Variants in EPB41L5 observed in about 807,000 individuals in gnomAD.
EPB41L5 encodes the protein band 4.1-like protein 5.
A neutral mutation model predicts 106.6 loss-of-function variants in EPB41L5; 55 were observed. The ratio of observed to expected loss-of-function variants is 0.52; its 90% CI spans 0.42 to 0.65. The LOEUF (loss-of-function observed/expected upper bound fraction) is 0.65, where lower values mean the gene tolerates loss of function less well. Ranked by LOEUF, EPB41L5 falls within the 30% of genes least tolerant of loss-of-function variation. The pLI is 0.00. For missense variants in EPB41L5, 871 were observed against 882.1 expected, an observed-to-expected ratio of 0.99 and a Z score of 0.16; for synonymous variants, 297 against 306.7, an observed-to-expected ratio of 0.97 and a Z score of 0.33.
At chr2:120,048,680 T>C (rs867346154) in intron 3 of EPB41L5, among the ~76,000 whole-genome samples, 7 of 152,202 alleles carry the variant, frequency 4.6e-5, no homozygotes, top group Non-Finnish European at 7.4e-5. Flanking sequence ...TAGTTATTTC[T>C]TGCCTTCTGC....
chr2:120,114,985 T>C (rs1411764136), intron 16 of EPB41L5, among the ~76,000 whole-genome samples: 1 of 152,232 alleles, frequency 6.6e-6, no homozygotes, highest in African/African-American at 2.4e-5. Flanking sequence ...ATTTTCTTGA[T>C]GATTTTCCTT....
At chr2:120,092,407 T>A (rs1275917570) in intron 13 of EPB41L5, among the ~76,000 whole-genome samples, 1 of 152,224 alleles carries the variant, frequency 6.6e-6, no homozygotes, top group East Asian at 1.9e-4. Context: ...AATACCATTT[T>A]AAAATATATT....
intron 18 of EPB41L5, among the ~76,000 whole-genome samples, chr2:120,142,490 CAT>C (rs1380329939): frequency 6.6e-6 from 1 of 152,112 alleles, no homozygotes; most frequent in African/African-American, 2.4e-5. Flanking sequence ...GCAATTAAGG[CAT>C]GTGTGAGCTT....
rs763852573 is a variant in EPB41L5, at chr2:120,146,209, TATTTC to T, written c.1729-11_1729-7del. On this transcript the variant is annotated splice_polypyrimidine_tract_variant and intron_variant, in intron 19 of 24. Coordinates refer to ENST00000263713, the MANE Select transcript of EPB41L5 (RefSeq NM_020909.4). Reference sequence around the variant, plus strand: ...CTCAATAAAGATTTACTTTTTTTAATATTTCATTTTCTTAGGTTACAAAAGAAGAT... The same window carrying T: ...CTCAATAAAGATTTACTTTTTTTAATATTTTCTTAGGTTACAAAAGAAGAT... The T allele has an allele frequency of 2.7e-6, 4 of 1,490,338 alleles. No individual in the cohort carries two copies. The highest frequency in any genetic ancestry group is 3.7e-6 in the Non-Finnish European group (4 of 1,073,134). The allele number at this position is 1,490,338 out of a possible 1,614,324, so 92.3% of individuals were successfully genotyped here.
chr2:120,097,590 ACAT>A (rs1683841663), intron 14 of EPB41L5, among the ~76,000 whole-genome samples: 1 of 152,252 alleles, frequency 6.6e-6, no homozygotes. Context: ...AGGATAGTTG[ACAT>A]TTCAATTACT....
rs1433305084 is a variant in EPB41L5 at position 120,173,699 on chromosome 2, TAG to T, written c.2136-1138_2136-1137del. On this transcript the variant is annotated intron_variant, in intron 24 of 24. Coordinates refer to ENST00000263713, the MANE Select transcript of EPB41L5 (RefSeq NM_020909.4). ...TCGTTTTACATCTTTAAACTTTTTT[TAG>T]AGACAGTGTCTCTCTCCATTACCTG... Among the ~76,000 whole-genome samples, 6 of 152,360 alleles carry T rather than the reference TAG, an allele frequency of 3.9e-5. No homozygotes were observed. The East Asian group carries it at 1.2e-3, about 29-fold the overall frequency.
chr2:120,080,775 T>G (rs978075563), intron 10 of EPB41L5, among the ~76,000 whole-genome samples: 7 of 152,236 alleles, frequency 4.6e-5, no homozygotes, highest in Admixed American at 3.9e-4. Flanking sequence ...ACCTTCTGTT[T>G]CCTGACTTTT....
intron 6 of EPB41L5, 27 bp downstream of exon 6, chr2:120,075,547 T>C (rs961645122): frequency 6.6e-7 from 1 of 1,518,800 alleles, no homozygotes; most frequent in East Asian, 2.3e-5. Flanking sequence ...TAAGGATAAA[T>C]GCACATTTTC....
intron 14 of EPB41L5, among the ~76,000 whole-genome samples, chr2:120,095,912 C>T (rs530651768): frequency 2.0e-5 from 3 of 152,148 alleles, no homozygotes; most frequent in African/African-American, 2.4e-5. Flanking sequence ...TCATGTGATC[C>T]GCCTGTCTCG....
Position 120,058,632 on chromosome 2 carries a change from A to G in EPB41L5, c.286-14546A>G, listed in dbSNP as rs534293540. ...TTTACATTTACCTGCAAAAGACAGT[A>G]TATGGCAACTACCACCTAGCTCCAG... On this transcript the variant is annotated intron_variant, in intron 3 of 24. Coordinates refer to ENST00000263713, the MANE Select transcript of EPB41L5 (RefSeq NM_020909.4). Among the ~76,000 whole-genome samples the G allele has an allele frequency of 5.3e-4, 81 of 152,354 alleles. 1 individual carries two copies. The highest frequency in any genetic ancestry group is 1.7e-3 in the African/African-American group (72 of 41,586).
Position 120,127,826 on chromosome 2 carries a change from A to G in EPB41L5, c.1476A>G (p.Leu492=). Residue 492 remains leucine, a synonymous_variant, in exon 17 of 25, where the codon TTA becomes TTG. Coordinates refer to ENST00000263713, the MANE Select transcript of EPB41L5 (RefSeq NM_020909.4). ...ATGTAGCCACCAGGCTTCCGGGATT[A>G]GGGGAACCTGAAGTTGAATATGAGA... ...DVNVATRLPG[L]GEPEVEYETL... is the part of the protein sequence containing the mutation. The G allele has an allele frequency of 6.2e-7, 1 of 1,611,532 alleles. No individual in the cohort carries two copies. Among genetic ancestry groups the G allele is most frequent in the Non-Finnish European group, 8.5e-7 (1 of 1,178,134 alleles).
chr2:120,146,850 T>A, intron 20 of EPB41L5, among the ~76,000 whole-genome samples: 1 of 152,242 alleles, frequency 6.6e-6, no homozygotes, highest in East Asian at 1.9e-4. Context: ...AGCAAATAAA[T>A]GCTGTTTCTT....
intron 21 of EPB41L5, among the ~76,000 whole-genome samples, chr2:120,164,588 C>T (rs548036429): frequency 1.6e-4 from 24 of 152,246 alleles, no homozygotes; most frequent in African/African-American, 5.5e-4. Flanking sequence ...TTTGTCTTAC[C>T]AAAGGAGAAT....
intron 24 of EPB41L5, among the ~76,000 whole-genome samples, chr2:120,171,821 G>A (rs751474663): frequency 2.2e-4 from 33 of 152,070 alleles, no homozygotes; most frequent in Non-Finnish European, 3.1e-4. Flanking sequence ...GAGAGCTAAC[G>A]ATTGTCAGAT....
chr2:120,172,253 G>A (rs1003676219), intron 24 of EPB41L5, among the ~76,000 whole-genome samples: 4 of 152,130 alleles, frequency 2.6e-5, no homozygotes, highest in East Asian at 1.9e-4. Context: ...GGAATCAAGC[G>A]TTCTCAGAAC....
rs867773735 is a variant in EPB41L5 at position 120,160,922 on chromosome 2, C to A, written c.1835C>A (p.Ser612Tyr). 6 of 1,613,898 alleles carry A rather than the reference C, an allele frequency of 3.7e-6. No homozygotes were observed. Among genetic ancestry groups the A allele is most frequent in the Admixed American group, 3.3e-5 (2 of 60,024 alleles). The change falls in exon 21 of 25, where the codon TCT (serine) becomes TAT (tyrosine). Residue 612 changes from serine (S) to tyrosine (Y), a missense_variant. Coordinates refer to ENST00000263713, the MANE Select transcript of EPB41L5 (RefSeq NM_020909.4). ...AATAATGTGCCCCTCCCCAAAGAGTCTCTTGAGACTCTGATGCTTATCACA... is the reference window on the plus strand; with the variant it reads ...AATAATGTGCCCCTCCCCAAAGAGTATCTTGAGACTCTGATGCTTATCACA... ...NENNVPLPKE[S>Y]LETLMLITPA...
chr2:120,074,323 G>T, intron 5 of EPB41L5, 145 bp downstream of exon 5: 1 of 595,664 alleles, frequency 1.7e-6, no homozygotes, highest in Non-Finnish European at 2.9e-6. Flanking sequence ...TTTTATTCTG[G>T]GACGTGTTTT....
At chr2:120,105,872 G>A (rs558835893) in intron 16 of EPB41L5, 1 of 985,214 alleles carries the variant, frequency 1.0e-6, no homozygotes, top group South Asian at 4.7e-5. Context: ...GAAGCTCTGG[G>A]TTGTGCCATT....
intron 13 of EPB41L5, 35 bp downstream of exon 13, chr2:120,091,696 C>T: frequency 6.6e-7 from 1 of 1,519,950 alleles, no homozygotes; most frequent in Non-Finnish European, 9.1e-7. Context: ...GATTATTTTT[C>T]CTTGGCAATT....
Sources: gnomAD v4.1 joint callset for allele counts (sites outside exome capture counted in the v4.1 genomes callset) on GRCh38, gnomAD v4.1.1 for gene constraint, MANE v1.5 for transcripts, NCBI Gene and HGNC (gene_info 2026-07-23, HGNC 2026-07-21) for gene names.